The following SPHKAP variants were observed in gnomAD, a reference collection of about 807,000 sequenced individuals.
SPHKAP encodes the protein A-kinase anchor protein SPHKAP.
Under a neutral mutation model 137.5 loss-of-function variants are expected in SPHKAP, and 67 were observed. The observed-to-expected ratio is 0.49, with a 90% CI of 0.40 to 0.60. The LOEUF (loss-of-function observed/expected upper bound fraction) is 0.60, where lower values mean the gene tolerates loss of function less well. Among genes scored for constraint, SPHKAP ranks in the 20% least tolerant of loss-of-function variants. SPHKAP has a pLI of 0.00. For synonymous variants in SPHKAP, 813 were observed against 785.3 expected (o/e 1.04, Z -0.59); for missense variants, 2,097 against 2,069.3 (o/e 1.01, Z -0.26).
chr2:228,172,629 G>A (rs1029699953), intron 1 of SPHKAP, among the ~76,000 whole-genome samples: 2 of 152,138 alleles, frequency 1.3e-5, no homozygotes, highest in Admixed American at 6.6e-5. Flanking sequence ...GGATGGGCTA[G>A]GTTATACTAC....
chr2:227,983,290 A>C (rs1269981866), intron 11 of SPHKAP, among the ~76,000 whole-genome samples: 1 of 152,148 alleles, frequency 6.6e-6, no homozygotes, highest in African/African-American at 2.4e-5. Context: ...GGTACCAACT[A>C]TTTGCACAGT....
chr2:228,027,459 G>T (rs376150540), intron 4 of SPHKAP, 25 bp downstream of exon 4: 10 of 1,612,094 alleles, frequency 6.2e-6, no homozygotes, highest in Admixed American at 5.0e-5. Context: ...ATGACCTCCC[G>T]GTCAGCTTGA....
At chr2:228,154,322 T>C (rs1700027439) in intron 1 of SPHKAP, among the ~76,000 whole-genome samples, 1 of 151,438 alleles carries the variant, frequency 6.6e-6, no homozygotes, top group Non-Finnish European at 1.5e-5. Context: ...ATTCTTAACT[T>C]GTAAAGAATA....
intron 2 of SPHKAP, among the ~76,000 whole-genome samples, chr2:228,123,904 C>T (rs1444521738): frequency 6.6e-6 from 1 of 152,046 alleles, no homozygotes; most frequent in African/African-American, 2.4e-5. Context: ...TGAAACAACC[C>T]CATCAAAAAG....
intron 1 of SPHKAP, among the ~76,000 whole-genome samples, chr2:228,179,477 A>G (rs1700837026): frequency 6.6e-6 from 1 of 152,240 alleles, no homozygotes; most frequent in South Asian, 2.1e-4. Context: ...TTTCTTGTAT[A>G]CAATGAAATA....
intron 3 of SPHKAP, among the ~76,000 whole-genome samples, chr2:228,046,291 C>CTTTTTTTTTTTTTTTT (rs58510792): frequency 7.2e-4 from 59 of 82,508 alleles, no homozygotes; most frequent in Non-Finnish European, 8.6e-4. Context: ...TGTTGTTATT[C>CTTTTTTTTTTTTTTTT]TTTTTTTTTT....
intron 1 of SPHKAP, among the ~76,000 whole-genome samples, chr2:228,165,113 A>G (rs1445850789): frequency 6.6e-6 from 1 of 151,772 alleles, no homozygotes; most frequent in Non-Finnish European, 1.5e-5. Context: ...TTTATATTAG[A>G]CCTTAACTCT....
At chr2:228,075,058 G>C (rs560372939) in intron 3 of SPHKAP, among the ~76,000 whole-genome samples, 1 of 152,270 alleles carries the variant, frequency 6.6e-6, no homozygotes, top group East Asian at 1.9e-4. Flanking sequence ...AAAGGGCAGA[G>C]GGTATGTTTA....
chr2:228,099,651 C>T (rs980403763), intron 3 of SPHKAP, among the ~76,000 whole-genome samples: 2 of 152,096 alleles, frequency 1.3e-5, no homozygotes, highest in African/African-American at 4.8e-5. Context: ...TTCTTCTAAT[C>T]CATGAGCATA....
chr2:228,063,784 C>A (rs1668592772), intron 3 of SPHKAP, among the ~76,000 whole-genome samples: 1 of 152,134 alleles, frequency 6.6e-6, no homozygotes, highest in Non-Finnish European at 1.5e-5. Flanking sequence ...ATGATTTGAC[C>A]ACTTTAATTG....
chr2:228,041,613 C>G (rs1695847428), intron 3 of SPHKAP, among the ~76,000 whole-genome samples: 1 of 145,056 alleles, frequency 6.9e-6, no homozygotes, highest in African/African-American at 2.6e-5. Context: ...TGTCACTGCT[C>G]TCCAGCCTGG....
chr2:228,149,671 C>T (rs556177625), intron 1 of SPHKAP, among the ~76,000 whole-genome samples: 1 of 152,148 alleles, frequency 6.6e-6, no homozygotes, highest in Non-Finnish European at 1.5e-5. Context: ...AGATTTATTC[C>T]TAGAAATTTC....
At chr2:228,160,210 T>C (rs1396511455) in intron 1 of SPHKAP, among the ~76,000 whole-genome samples, 1 of 152,220 alleles carries the variant, frequency 6.6e-6, no homozygotes, top group Non-Finnish European at 1.5e-5. Flanking sequence ...ATCTTCCCCA[T>C]GATTATACAA....
intron 9 of SPHKAP, among the ~76,000 whole-genome samples, chr2:227,992,456 A>C (rs951763068): frequency 2.0e-5 from 3 of 152,144 alleles, no homozygotes; most frequent in Non-Finnish European, 1.5e-5. Flanking sequence ...TGGCTTCCTC[A>C]GAATACAGAT....
At chr2:228,031,082 G>A (rs1383761832) in intron 3 of SPHKAP, among the ~76,000 whole-genome samples, 1 of 152,222 alleles carries the variant, frequency 6.6e-6, no homozygotes, top group Non-Finnish European at 1.5e-5. Context: ...GCCTCACTTG[G>A]GAAGAGCAAG....
Position 228,018,291 on chromosome 2 carries a change from C to A in SPHKAP, c.2563G>T (p.Ala855Ser). The A allele has an allele frequency of 6.2e-7, 1 of 1,614,206 alleles. No homozygotes were observed. Among genetic ancestry groups the A allele is most frequent in the Non-Finnish European group, 8.5e-7 (1 of 1,180,030 alleles). ...GGGGACCTTTGTCCTTCGGAAGAGG[C>A]TCTGCATTCATTCTCACTGTGATGA... ...SPHHSENECR[A>S]SSEGQRSPTV... is the part of the protein sequence containing the mutation. The change falls in exon 7 of 12, where the codon GCC becomes TCC. Residue 855 changes from alanine to serine, a missense_variant. By Grantham distance (99) the Ala-to-Ser change is moderately conservative (BLOSUM62 1). Transcript: ENST00000392056.
intron 7 of SPHKAP, among the ~76,000 whole-genome samples, chr2:228,008,871 C>T (rs867105117): frequency 1.1e-4 from 17 of 152,310 alleles, no homozygotes; most frequent in African/African-American, 1.7e-4. Flanking sequence ...CTCTTGACTA[C>T]TATAGCTGTA....
chr2:228,158,783 G>T (rs1442380319), intron 1 of SPHKAP, among the ~76,000 whole-genome samples: 1 of 152,074 alleles, frequency 6.6e-6, no homozygotes, highest in South Asian at 2.1e-4. Context: ...ACTTATTTCA[G>T]TCTGCTCTGC....
intron 3 of SPHKAP, among the ~76,000 whole-genome samples, chr2:228,087,315 G>T (rs1480531783): frequency 6.6e-6 from 1 of 151,230 alleles, no homozygotes; most frequent in Non-Finnish European, 1.5e-5. Flanking sequence ...GAACGGAATG[G>T]AGTCAGTACC....
Sources: gnomAD v4.1 joint callset for allele counts (sites outside exome capture counted in the v4.1 genomes callset) on GRCh38, gnomAD v4.1.1 for gene constraint, MANE v1.5 for transcripts, NCBI Gene and HGNC (gene_info 2026-07-23, HGNC 2026-07-21) for gene names.